The following GPCPD1 variants were observed in gnomAD, a reference collection of about 807,000 sequenced individuals.
The protein encoded by GPCPD1 is glycerophosphocholine phosphodiesterase GPCPD1.
A neutral mutation model predicts 89.2 loss-of-function variants in GPCPD1; 29 were observed. The ratio of observed to expected loss-of-function variants is 0.33; its 90% CI spans 0.24 to 0.44. GPCPD1 has a LOEUF of 0.44. GPCPD1 is among the 20% of genes least tolerant of loss of function. The probability of loss-of-function intolerance (pLI) is 1.00; values close to 1 mark genes in which losing one functional copy is unlikely to be tolerated. For missense variants in GPCPD1, 594 were observed against 808.9 expected (o/e 0.73, Z 3.22); for synonymous variants, 258 against 266.3 (o/e 0.97, Z 0.30).
intron 1 of GPCPD1, among the ~76,000 whole-genome samples, chr20:5,605,724 G>GC (rs996239093): frequency 1.3e-4 from 20 of 151,824 alleles, no homozygotes; most frequent in African/African-American, 3.4e-4. Context: ...GTTGAGGTGA[G>GC]CCCCCCCACC....
chr20:5,605,597 G>A (rs936273496), intron 1 of GPCPD1, among the ~76,000 whole-genome samples: 6 of 152,092 alleles, frequency 3.9e-5, no homozygotes, highest in African/African-American at 1.4e-4. Context: ...TGACCAACAT[G>A]GAGAAACCCC....
At chr20:5,556,187 T>C (rs1985757769) in intron 19 of GPCPD1, among the ~76,000 whole-genome samples, 1 of 152,186 alleles carries the variant, frequency 6.6e-6, no homozygotes, top group South Asian at 2.1e-4. Context: ...TACTGTACAC[T>C]TGGTAAACTA....
chr20:5,560,178 A>G (rs779902083), intron 16 of GPCPD1, 102 bp from the exon 17 acceptor site: 16 of 684,356 alleles, frequency 2.3e-5, no homozygotes, highest in Non-Finnish European at 3.1e-5. Context: ...AACCCCTGAC[A>G]GTATCTAGTC....
At chr20:5,597,521 A>G (rs890352399) in intron 3 of GPCPD1, among the ~76,000 whole-genome samples, 5 of 152,192 alleles carry the variant, frequency 3.3e-5, no homozygotes, top group African/African-American at 1.2e-4. Context: ...GATTTTTTTA[A>G]AAGTCTTTTG....
chr20:5,564,707 C>A (rs1986282746), intron 15 of GPCPD1, among the ~76,000 whole-genome samples: 1 of 152,060 alleles, frequency 6.6e-6, no homozygotes, highest in African/African-American at 2.4e-5. Context: ...CATGGTGGTG[C>A]ACAACTGCAG....
At chr20:5,555,667 C>A (rs1415720857) in intron 19 of GPCPD1, among the ~76,000 whole-genome samples, 2 of 152,172 alleles carry the variant, frequency 1.3e-5, no homozygotes, top group East Asian at 3.9e-4. Context: ...AAGAACCTGG[C>A]CAACATGGCA....
chr20:5,582,401 G>A (rs1018786029), intron 6 of GPCPD1, among the ~76,000 whole-genome samples: 5 of 151,962 alleles, frequency 3.3e-5, no homozygotes, highest in African/African-American at 9.7e-5. Context: ...TACTGCCAGA[G>A]CATGTTCATT....
rs549368187 is a variant in GPCPD1, at chr20:5,578,840, G to C, written c.474-229C>G. The stretch of plus-strand genomic sequence containing the variant: ...CATATTTTTGCAAAGTATTAAAATG[G>C]GATAAATGACCATTATGCCTACTAA... On this transcript the variant is annotated intron_variant, in intron 7 of 19. Coordinates refer to ENST00000379019, the MANE Select transcript of GPCPD1 (RefSeq NM_019593.5). Among the ~76,000 whole-genome samples the C allele has an allele frequency of 1.6e-4, 24 of 152,022 alleles. No homozygotes were observed. In the South Asian group the frequency reaches 5.0e-3, roughly 32 times the overall value.
At chr20:5,550,463 G>C (rs1985342984) in intron 19 of GPCPD1, among the ~76,000 whole-genome samples, 1 of 152,074 alleles carries the variant, frequency 6.6e-6, no homozygotes, top group South Asian at 2.1e-4. Flanking sequence ...TGTATTGACA[G>C]ACTAAAAGGG....
chr20:5,565,848 A>G (rs546356782), intron 14 of GPCPD1, among the ~76,000 whole-genome samples: 7 of 152,326 alleles, frequency 4.6e-5, no homozygotes, highest in African/African-American at 1.7e-4. Flanking sequence ...TTATCAATTA[A>G]TCAATATAGA....
At chr20:5,583,856 C>T (rs1489366202) in intron 6 of GPCPD1, among the ~76,000 whole-genome samples, 1 of 152,194 alleles carries the variant, frequency 6.6e-6, no homozygotes, top group Non-Finnish European at 1.5e-5. Context: ...CAGTATACTA[C>T]ACACTTTTAA....
chr20:5,552,746 A>G (rs1445241674), intron 19 of GPCPD1, among the ~76,000 whole-genome samples: 1 of 152,252 alleles, frequency 6.6e-6, no homozygotes, highest in Non-Finnish European at 1.5e-5. Context: ...AAAGGCAGGT[A>G]GGTAGGATTT....
At chr20:5,600,531 A>T (rs1172190422) in intron 2 of GPCPD1, among the ~76,000 whole-genome samples, 1 of 150,964 alleles carries the variant, frequency 6.6e-6, no homozygotes, top group Non-Finnish European at 1.5e-5. Flanking sequence ...TCTACTGAAA[A>T]TAAAAAATTA....
chr20:5,605,234 T>C (rs1446046489), intron 1 of GPCPD1, among the ~76,000 whole-genome samples: 1 of 152,202 alleles, frequency 6.6e-6, no homozygotes, highest in Non-Finnish European at 1.5e-5. Context: ...GTCGTCAAGA[T>C]TCTTTTGCTA....
intron 2 of GPCPD1, among the ~76,000 whole-genome samples, chr20:5,599,796 G>A (rs1407155389): frequency 6.6e-6 from 1 of 152,074 alleles, no homozygotes; most frequent in Non-Finnish European, 1.5e-5. Context: ...CAGGTGATCT[G>A]CCCGCCTTGG....
At chr20:5,589,498 A>G (rs6053521) in intron 4 of GPCPD1, among the ~76,000 whole-genome samples, 108,375 of 151,932 alleles carry the variant, frequency 0.71, 39,634 homozygotes, top group African/African-American at 0.87. Flanking sequence ...TGTAATCCCA[A>G]CTACTCGGAA....
At chr20:5,558,481 C>A (rs1360634681) in intron 18 of GPCPD1, among the ~76,000 whole-genome samples, 1 of 152,102 alleles carries the variant, frequency 6.6e-6, no homozygotes, top group Non-Finnish European at 1.5e-5. Flanking sequence ...AAAAATTTAA[C>A]GTATGCCTAT....
chr20:5,588,129 C>A (rs768478735), intron 4 of GPCPD1, among the ~76,000 whole-genome samples: 2 of 152,144 alleles, frequency 1.3e-5, no homozygotes, highest in African/African-American at 2.4e-5. Flanking sequence ...CAAATTAATT[C>A]TAGATGATGT....
chr20:5,592,313 C>A (rs560442867), intron 4 of GPCPD1, among the ~76,000 whole-genome samples: 1 of 152,150 alleles, frequency 6.6e-6, no homozygotes, highest in African/African-American at 2.4e-5. Context: ...AAATGAGATG[C>A]CCTTTTCTTA....
Sources: gnomAD v4.1 joint callset for allele counts (sites outside exome capture counted in the v4.1 genomes callset) on GRCh38, gnomAD v4.1.1 for gene constraint, MANE v1.5 for transcripts, NCBI Gene and HGNC (gene_info 2026-07-23, HGNC 2026-07-21) for gene names.